ANKRD55: variants seen among roughly 807,000 people sequenced by gnomAD.
ANKRD55 encodes ankyrin repeat domain-containing protein 55.
In ANKRD55, 41 loss-of-function variants were observed where a neutral mutation model predicts 60.6. The observed-to-expected ratio is 0.68, with a 90% CI of 0.53 to 0.88. ANKRD55 has a LOEUF of 0.88. Among genes scored for constraint, ANKRD55 ranks in the 40% least tolerant of loss-of-function variants. The pLI is 0.00. For synonymous variants in ANKRD55, 264 were observed against 290.3 expected, an observed-to-expected ratio of 0.91 and a Z score of 0.92; for missense variants, 732 against 767.6, an observed-to-expected ratio of 0.95 and a Z score of 0.55.
At chr5:56,153,628 A>G (rs1009985505) in intron 6 of ANKRD55, among the ~76,000 whole-genome samples, 8 of 152,076 alleles carry the variant, frequency 5.3e-5, no homozygotes, top group African/African-American at 1.9e-4. Context: ...TCACGAGGTC[A>G]GGAGTTCGAG....
intron 2 of ANKRD55, among the ~76,000 whole-genome samples, chr5:56,194,558 A>G (rs1361944234): frequency 2.0e-5 from 3 of 152,144 alleles, no homozygotes; most frequent in Admixed American, 6.5e-5. Flanking sequence ...GCACTTTAAA[A>G]TTATCATGGG....
intron 10 of ANKRD55, among the ~76,000 whole-genome samples, chr5:56,109,468 G>A (rs1017985948): frequency 4.6e-5 from 7 of 151,564 alleles, no homozygotes; most frequent in Non-Finnish European, 7.4e-5. Flanking sequence ...CTGTGGCACC[G>A]AACAGGTTTC....
At chr5:56,131,506 T>C (rs2111732156) in intron 7 of ANKRD55, among the ~76,000 whole-genome samples, 1 of 152,084 alleles carries the variant, frequency 6.6e-6, no homozygotes, top group African/African-American at 2.4e-5. Flanking sequence ...ATGTTAAAAG[T>C]AGTTTCTTGA....
intron 3 of ANKRD55, among the ~76,000 whole-genome samples, chr5:56,179,676 G>A (rs572344846): frequency 7.2e-5 from 11 of 152,216 alleles, no homozygotes; most frequent in African/African-American, 2.6e-4. Context: ...ACAAGATAAG[G>A]AGCAGAAACA....
At chr5:56,103,567 G>A (rs1756356653) in intron 10 of ANKRD55, among the ~76,000 whole-genome samples, 1 of 152,046 alleles carries the variant, frequency 6.6e-6, no homozygotes, top group Admixed American at 6.6e-5. Context: ...TCAGTTATAT[G>A]ACATTGGGCA....
chr5:56,130,378 C>G (rs1267953283), intron 7 of ANKRD55, among the ~76,000 whole-genome samples: 1 of 152,174 alleles, frequency 6.6e-6, no homozygotes, highest in Non-Finnish European at 1.5e-5. Context: ...CCAGCCCACT[C>G]TAGCTATCCT....
At chr5:56,183,364 A>T (rs373088150) in intron 3 of ANKRD55, 148 bp downstream of exon 3, 2 of 1,037,510 alleles carry the variant, frequency 1.9e-6, no homozygotes, top group Admixed American at 5.5e-5. Flanking sequence ...TGATGACTTC[A>T]TTATAAGAGG....
At chr5:56,137,564 A>T in intron 7 of ANKRD55, 1 of 671,668 alleles carries the variant, frequency 1.5e-6, no homozygotes. Flanking sequence ...ATTAAAAGTA[A>T]AAGAAAAAAA....
chr5:56,227,111 G>A (rs1000473641), intron 2 of ANKRD55, among the ~76,000 whole-genome samples: 4 of 152,106 alleles, frequency 2.6e-5, no homozygotes, highest in Admixed American at 2.0e-4. Context: ...ATGATAGACT[G>A]GATTAAGAAA....
chr5:56,111,257 A>G lies in ANKRD55; in HGVS notation c.1491T>C (p.Asp497=). The G allele has an allele frequency of 1.2e-6, 2 of 1,613,800 alleles. No individual in the cohort carries two copies. Among genetic ancestry groups the G allele is most frequent in the Non-Finnish European group, 1.7e-6 (2 of 1,179,668 alleles). The change falls in exon 10 of 12, where the codon GAT becomes GAC. Residue 497 remains aspartate, a synonymous_variant. Coordinates refer to ENST00000341048, the MANE Select transcript of ANKRD55 (RefSeq NM_024669.3). ...QMLLDNPWKS[D]SNQVFSYKVW... ...CTTTGTAGGAAAATACCTGATTAGA[A>G]TCACTCTTCCAGGGGTTATCTAGTA...
Position 56,105,347 on chromosome 5 carries a change from A to G in ANKRD55, c.1631-2761T>C, listed in dbSNP as rs140610396. Among the ~76,000 whole-genome samples the G allele has an allele frequency of 6.3e-3, 954 of 152,222 alleles. 7 individuals are homozygous for G. Among genetic ancestry groups the G allele is most frequent in the African/African-American group, 0.021 (882 of 41,548 alleles). ...GGTGATCCACCCGTCTCAGCCTCCC[A>G]AAGTGTTGGGATTACAGGCGTGAGC... On this transcript the variant is annotated intron_variant, in intron 10 of 11. Coordinates refer to ENST00000341048, the MANE Select transcript of ANKRD55 (RefSeq NM_024669.3).
At position 56,135,294 on chromosome 5, in the gene ANKRD55, G is replaced by GCTTT. The variant is rs1255557630; in HGVS notation, c.613-8192_613-8189dup. ...TCCCTCCCTCCCTGCCTGCCTGCTT[G>GCTTT]CTTTCTTTCTTTCTTTCTTTCTTTC... On this transcript the variant is annotated intron_variant, in intron 7 of 11. Transcript: ENST00000341048. 2.2e-3 allele frequency among the ~76,000 whole-genome samples: 183 copies of GCTTT among 84,392 alleles called. 6 individuals are homozygous for GCTTT. The highest frequency in any genetic ancestry group is 8.5e-3 in the East Asian group (22 of 2,602). 55.4% of individuals were successfully genotyped at this position (84,392 alleles called of 152,430 possible). A position where few individuals can be genotyped will look rare whatever the true frequency, so the allele number is the denominator to read the frequency against.
At chr5:56,198,320 A>G (rs1759274756) in intron 2 of ANKRD55, among the ~76,000 whole-genome samples, 1 of 151,452 alleles carries the variant, frequency 6.6e-6, no homozygotes, top group Non-Finnish European at 1.5e-5. Flanking sequence ...TTTTTTTGAG[A>G]CGGAGTTTCG....
chr5:56,171,748 T>G (rs2111814805), intron 4 of ANKRD55, among the ~76,000 whole-genome samples: 1 of 152,350 alleles, frequency 6.6e-6, no homozygotes, highest in East Asian at 1.9e-4. Flanking sequence ...CATTCGCGTC[T>G]AGGTAAACCT....
At chr5:56,172,897 G>T (rs1333702938) in intron 4 of ANKRD55, among the ~76,000 whole-genome samples, 1 of 152,170 alleles carries the variant, frequency 6.6e-6, no homozygotes, top group Non-Finnish European at 1.5e-5. Flanking sequence ...AGCAGGCAGG[G>T]CACATAACAT....
intron 2 of ANKRD55, among the ~76,000 whole-genome samples, chr5:56,207,606 T>A (rs536326736): frequency 6.6e-6 from 1 of 152,238 alleles, no homozygotes; most frequent in Admixed American, 6.5e-5. Flanking sequence ...GTTACTGTAC[T>A]GAATACTGTA....
intron 6 of ANKRD55, chr5:56,146,846 C>T (rs1757912632): frequency 6.6e-6 from 1 of 152,272 alleles, no homozygotes; most frequent in Admixed American, 6.5e-5. Context: ...TGGCCATAGA[C>T]CACTGCACTG....
intron 2 of ANKRD55, among the ~76,000 whole-genome samples, chr5:56,212,049 G>A (rs1486209947): frequency 1.5e-5 from 2 of 130,140 alleles, no homozygotes; most frequent in African/African-American, 3.1e-5. Context: ...AACTGGTAAA[G>A]ACACACACAC....
intron 2 of ANKRD55, among the ~76,000 whole-genome samples, chr5:56,212,718 T>C (rs1759707301): frequency 6.6e-6 from 1 of 152,230 alleles, no homozygotes. Flanking sequence ...ATGACAGGAT[T>C]TGAAACCAGT....
Sources: allele counts gnomAD v4.1 joint callset (sites outside exome capture counted in the v4.1 genomes callset), GRCh38; gene constraint gnomAD v4.1.1; transcripts MANE v1.5; gene names NCBI Gene and HGNC (gene_info 2026-07-23, HGNC 2026-07-21).